The following SNAP91 variants were observed in gnomAD, a reference collection of about 807,000 sequenced individuals.
SNAP91 encodes the protein clathrin coat assembly protein AP180.
SNAP91 carries 27 observed loss-of-function variants against 100.3 expected under a neutral mutation model. The ratio of observed to expected loss-of-function variants is 0.27; its 90% confidence interval spans 0.20 to 0.37. The LOEUF (loss-of-function observed/expected upper bound fraction) is 0.37, where lower values mean the gene tolerates loss of function less well. SNAP91 is among the 10% of genes least tolerant of loss of function. The pLI, the probability that SNAP91 is intolerant of heterozygous loss-of-function variation, is 1.00. For synonymous variants in SNAP91, 404 were observed against 398.6 expected, an observed-to-expected ratio of 1.01 and a Z score of -0.16; for missense variants, 986 against 1,123.7, an observed-to-expected ratio of 0.88 and a Z score of 1.75.
At chr6:83,630,986 C>T (rs1187553462) in intron 8 of SNAP91, among the ~76,000 whole-genome samples, 1 of 151,866 alleles carries the variant, frequency 6.6e-6, no homozygotes, top group Admixed American at 6.6e-5. Flanking sequence ...AGGGCTATGA[C>T]CTTTCCTCTT....
intron 13 of SNAP91, among the ~76,000 whole-genome samples, chr6:83,606,721 T>G (rs2095639010): frequency 6.6e-6 from 1 of 152,214 alleles, no homozygotes; most frequent in Non-Finnish European, 1.5e-5. Flanking sequence ...TTCCAAGTAA[T>G]ATTCTTTTGA....
chr6:83,665,561 C>T lies in SNAP91; in HGVS notation c.151G>A (p.Glu51Lys). 6.2e-7 allele frequency: 1 copy of T among 1,611,170 alleles called. No individual in the cohort carries two copies. The highest frequency in any genetic ancestry group is 8.5e-7 in the Non-Finnish European group (1 of 1,178,854). ...ATCTGAGGAATATTAACATTGGTCT[C>T]GTTGGTAGCCTGGATCAAATCTATG... ...HLDYLIQATN[E>K]TNVNIPQMAD... Residue 51 changes from glutamate (E) to lysine (K), a missense_variant, in exon 3 of 30, where the codon GAG becomes AAG. Glu to Lys is a moderately conservative substitution (Grantham distance 56). This residue lies in a region of SNAP91 where 330 missense variants were observed against 447.5 expected (regional missense o/e 0.74). Coordinates refer to ENST00000369694, the MANE Select transcript of SNAP91 (RefSeq NM_001242792.2).
chr6:83,641,416 A>G (rs980867237), intron 7 of SNAP91, among the ~76,000 whole-genome samples: 4 of 152,186 alleles, frequency 2.6e-5, no homozygotes, highest in Admixed American at 6.5e-5. Context: ...GTCTCAAATA[A>G]AACAATTTAA....
At chr6:83,695,274 C>T (rs372578296) in intron 2 of SNAP91, among the ~76,000 whole-genome samples, 39 of 30,560 alleles carry the variant, frequency 1.3e-3, no homozygotes, top group African/African-American at 5.2e-3. Flanking sequence ...GAGGCTCCAT[C>T]TCAAAAAAAA....
intron 2 of SNAP91, among the ~76,000 whole-genome samples, chr6:83,688,086 T>G (rs779198908): frequency 2.8e-4 from 42 of 152,250 alleles, no homozygotes; most frequent in Non-Finnish European, 5.4e-4. Context: ...GTTTCTCTGG[T>G]CTCTTATCTC....
At chr6:83,694,153 C>A (rs2099165110) in intron 2 of SNAP91, among the ~76,000 whole-genome samples, 1 of 152,198 alleles carries the variant, frequency 6.6e-6, no homozygotes, top group Non-Finnish European at 1.5e-5. Flanking sequence ...GCTGTGTATT[C>A]ACATCCCATT....
At chr6:83,562,116 A>G (rs1788824451) in intron 26 of SNAP91, among the ~76,000 whole-genome samples, 1 of 152,254 alleles carries the variant, frequency 6.6e-6, no homozygotes, top group Non-Finnish European at 1.5e-5. Context: ...AAATGTATAA[A>G]GAATTAATAC....
intron 24 of SNAP91, among the ~76,000 whole-genome samples, chr6:83,576,720 C>T (rs978010838): frequency 8.5e-5 from 13 of 152,230 alleles, no homozygotes; most frequent in African/African-American, 3.1e-4. Flanking sequence ...ATATATCCTT[C>T]CTCTGCTTCC....
chr6:83,695,276 C>CAAAAAAAAAAA (rs56103542), intron 2 of SNAP91, among the ~76,000 whole-genome samples: 2 of 67,318 alleles, frequency 3.0e-5, no homozygotes, highest in Non-Finnish European at 2.5e-5. Context: ...GGCTCCATCT[C>CAAAAAAAAAAA]AAAAAAAAAA....
chr6:83,700,300 T>G (rs1183963956), intron 2 of SNAP91, among the ~76,000 whole-genome samples: 1 of 151,864 alleles, frequency 6.6e-6, no homozygotes, highest in South Asian at 2.1e-4. Context: ...GAAAAACTGA[T>G]ACAATTAAAA....
At chr6:83,560,416 T>C (rs1267719582) in intron 27 of SNAP91, among the ~76,000 whole-genome samples, 5 of 152,332 alleles carry the variant, frequency 3.3e-5, no homozygotes, top group South Asian at 2.1e-4. Context: ...ATAAGCCTGG[T>C]TGGCCACATG....
At chr6:83,638,003 C>T (rs1307285503) in intron 8 of SNAP91, among the ~76,000 whole-genome samples, 1 of 152,142 alleles carries the variant, frequency 6.6e-6, no homozygotes, top group Non-Finnish European at 1.5e-5. Flanking sequence ...CTGTGGATAT[C>T]CTCCTGTGGG....
At chr6:83,634,067 G>A (rs1383369555) in intron 8 of SNAP91, among the ~76,000 whole-genome samples, 1 of 152,056 alleles carries the variant, frequency 6.6e-6, no homozygotes, top group Admixed American at 6.5e-5. Context: ...AAACCTGCAC[G>A]TTGTGCACAT....
rs760099701 is a variant in SNAP91, at chr6:83,605,823, T to C, written c.1023-20A>G. The C allele has an allele frequency of 2.3e-5, 34 of 1,509,896 alleles. No individual in the cohort carries two copies. Among genetic ancestry groups the C allele is most frequent in the Non-Finnish European group, 2.8e-5 (31 of 1,125,434 alleles). The allele number at this position is 1,509,896 out of a possible 1,614,324, so 93.5% of individuals were successfully genotyped here. ...GAAGTGCTGAAAGGAAAATAAAACA[T>C]TAAAATCAGATTTTGAAATTTTATA... On this transcript the variant is annotated intron_variant, in intron 13 of 29. Transcript: ENST00000369694.
intron 2 of SNAP91, chr6:83,686,959 C>A (rs2099069090): frequency 6.6e-6 from 1 of 152,050 alleles, no homozygotes; most frequent in Non-Finnish European, 1.5e-5. Flanking sequence ...TTTTGGTTTT[C>A]TTGGATAATA....
At chr6:83,641,041 T>C (rs1204561887) in intron 8 of SNAP91, 55 bp downstream of exon 8, 2 of 1,008,134 alleles carry the variant, frequency 2.0e-6, no homozygotes, top group Non-Finnish European at 2.9e-6. Flanking sequence ...ATACTCCAGA[T>C]ACATGAGCAA....
chr6:83,637,486 C>T (rs1270634357), intron 8 of SNAP91, among the ~76,000 whole-genome samples: 1 of 152,182 alleles, frequency 6.6e-6, no homozygotes, highest in Admixed American at 6.5e-5. Context: ...CCAGGGTTTC[C>T]AGCCTGGCAG....
intron 2 of SNAP91, among the ~76,000 whole-genome samples, chr6:83,684,140 T>C (rs1056731734): frequency 6.6e-6 from 1 of 152,200 alleles, no homozygotes; most frequent in African/African-American, 2.4e-5. Context: ...CCCTTCAACC[T>C]GGGTTTCCCA....
intron 2 of SNAP91, among the ~76,000 whole-genome samples, chr6:83,695,276 C>CAAAAAAAAAAAAA (rs56103542): frequency 1.0e-4 from 7 of 67,290 alleles, no homozygotes; most frequent in Non-Finnish European, 1.3e-4. Context: ...GGCTCCATCT[C>CAAAAAAAAAAAAA]AAAAAAAAAA....
Sources: gnomAD v4.1 joint callset for allele counts (sites outside exome capture counted in the v4.1 genomes callset) on GRCh38, gnomAD v4.1.1 for gene constraint, gnomAD v4.1.1 regional missense constraint, MANE v1.5 for transcripts, NCBI Gene and HGNC (gene_info 2026-07-23, HGNC 2026-07-21) for gene names.